Variants in ATRNL1 observed in about 807,000 individuals in gnomAD.
ATRNL1 encodes the protein attractin-like protein 1.
A neutral mutation model predicts 182.7 loss-of-function variants in ATRNL1; 95 were observed. The observed-to-expected ratio is 0.52, with a 90% CI of 0.44 to 0.62. ATRNL1 has a LOEUF of 0.62. ATRNL1 is among the 20% of genes least tolerant of loss of function. The probability of loss-of-function intolerance (pLI) is 0.00; values close to 1 mark genes in which losing one functional copy is unlikely to be tolerated. For missense variants in ATRNL1, 1,471 were observed against 1,679.5 expected, an observed-to-expected ratio of 0.88 and a Z score of 2.17; for synonymous variants, 576 against 568.3, an observed-to-expected ratio of 1.01 and a Z score of -0.19.
chr10:115,350,334 C>CAAAAAAAAAAAAAAAAAAAAAAAAAAA, intron 19 of ATRNL1, among the ~76,000 whole-genome samples: 1 of 29,734 alleles, frequency 3.4e-5, no homozygotes. Context: ...GACTCTGTCT[C>CAAAAAAAAAAAAAAAAAAAAAAAAAAA]AAAAAAAAAA....
chr10:115,520,233 T>C (rs1332067345), intron 25 of ATRNL1, among the ~76,000 whole-genome samples: 1 of 152,134 alleles, frequency 6.6e-6, no homozygotes, highest in East Asian at 1.9e-4. Flanking sequence ...CACAACTCAA[T>C]CCTTAGCACA....
At chr10:115,191,178 T>C (rs1848155643) in intron 8 of ATRNL1, among the ~76,000 whole-genome samples, 1 of 152,150 alleles carries the variant, frequency 6.6e-6, no homozygotes, top group Non-Finnish European at 1.5e-5. Flanking sequence ...GCAATAAACA[T>C]GGGAACGCAG....
intron 26 of ATRNL1, among the ~76,000 whole-genome samples, chr10:115,560,219 A>C (rs1048141444): frequency 6.6e-6 from 1 of 152,350 alleles, no homozygotes; most frequent in African/African-American, 2.4e-5. Flanking sequence ...CCATATTCAC[A>C]CTGCTAATAA....
rs1447864706 is a variant in ATRNL1, at chr10:115,946,510, A to G, written c.*1731A>G. On this transcript the variant is annotated 3_prime_UTR_variant, in exon 29 of 29. Coordinates refer to ENST00000355044, the MANE Select transcript of ATRNL1 (RefSeq NM_207303.4). ...TTATGAATTATAGTATATATTCCTC[A>G]TGTTGGCATGATAATTTTGCTATTT... The G allele has an allele frequency of 6.6e-6, 1 of 152,168 alleles. No individual in the cohort carries two copies. The highest frequency in any genetic ancestry group is 2.4e-5 in the African/African-American group (1 of 41,442). 9.4% of individuals were successfully genotyped at this position (152,168 alleles called of 1,614,324 possible).
intron 27 of ATRNL1, among the ~76,000 whole-genome samples, chr10:115,807,709 T>A (rs1555085962): frequency 1.3e-5 from 2 of 152,192 alleles, no homozygotes; most frequent in Admixed American, 6.6e-5. Context: ...AATAAAGATA[T>A]AATACAAGAT....
chr10:115,925,010 T>C (rs1555119680), intron 28 of ATRNL1, among the ~76,000 whole-genome samples: 1 of 152,174 alleles, frequency 6.6e-6, no homozygotes, highest in Non-Finnish European at 1.5e-5. Context: ...TTTGTAGCAA[T>C]TGTGAATGGG....
At chr10:115,423,352 G>A (rs652059) in intron 20 of ATRNL1, among the ~76,000 whole-genome samples, 15 of 151,802 alleles carry the variant, frequency 9.9e-5, no homozygotes, top group Middle Eastern at 3.4e-3. Context: ...TGGCCAACAC[G>A]GCAAAACCCT....
intron 27 of ATRNL1, among the ~76,000 whole-genome samples, chr10:115,752,236 A>G (rs781969507): frequency 2.6e-5 from 4 of 152,160 alleles, no homozygotes; most frequent in South Asian, 2.1e-4. Flanking sequence ...CAGATGATAT[A>G]TAATTATACT....
chr10:115,806,263 A>G (rs138936876), intron 27 of ATRNL1, among the ~76,000 whole-genome samples: 1 of 152,148 alleles, frequency 6.6e-6, no homozygotes, highest in African/African-American at 2.4e-5. Flanking sequence ...TTTAATGCAT[A>G]AATTTTTTAG....
chr10:115,368,897 A>G (rs1488394206), intron 19 of ATRNL1, among the ~76,000 whole-genome samples: 1 of 151,974 alleles, frequency 6.6e-6, no homozygotes, highest in Non-Finnish European at 1.5e-5. Context: ...TATATTTAGT[A>G]GAGACGGGGT....
At chr10:115,279,180 C>T (rs11197146) in intron 13 of ATRNL1, among the ~76,000 whole-genome samples, 31,226 of 146,542 alleles carry the variant, frequency 0.21, 4,173 homozygotes, top group Non-Finnish European at 0.3. Flanking sequence ...CCAGCCTGGG[C>T]GACAGAGCAA....
At chr10:115,321,038 A>C (rs1468279097) in intron 18 of ATRNL1, among the ~76,000 whole-genome samples, 2 of 151,592 alleles carry the variant, frequency 1.3e-5, no homozygotes, top group Non-Finnish European at 2.9e-5. Context: ...TTTGAGTTTC[A>C]GTTTGTCTGT....
chr10:115,418,697 A>AG (rs1161235870), intron 20 of ATRNL1, among the ~76,000 whole-genome samples: 1 of 152,192 alleles, frequency 6.6e-6, no homozygotes, highest in Non-Finnish European at 1.5e-5. Flanking sequence ...GAAAGAAGTG[A>AG]GAAAAAAGAA....
rs554931016 is a variant in ATRNL1 at position 115,649,393 on chromosome 10, T to C, written c.3796-77855T>C. On this transcript the variant is annotated intron_variant, in intron 26 of 28. Transcript: ENST00000355044. ...TTAATTATTCTAGCCAGATGGTCCT[T>C]TATTTATGTTATTGCTAGAGGTTTC... 5.9e-5 allele frequency among the ~76,000 whole-genome samples: 9 copies of C among 152,286 alleles called. No homozygotes were observed. In the South Asian group the frequency reaches 1.9e-3, roughly 32 times the overall value.
At chr10:115,636,748 A>G (rs1239206382) in intron 26 of ATRNL1, among the ~76,000 whole-genome samples, 1 of 152,254 alleles carries the variant, frequency 6.6e-6, no homozygotes. Context: ...TCAAAAACTT[A>G]CATATGAATG....
chr10:115,647,103 A>G (rs1859678572), intron 26 of ATRNL1, among the ~76,000 whole-genome samples: 1 of 151,924 alleles, frequency 6.6e-6, no homozygotes, highest in Admixed American at 6.6e-5. Flanking sequence ...TTTCAGCTTC[A>G]TCCATGTCCC....
At chr10:115,597,337 T>C (rs1856308444) in intron 26 of ATRNL1, among the ~76,000 whole-genome samples, 2 of 152,134 alleles carry the variant, frequency 1.3e-5, no homozygotes, top group Non-Finnish European at 2.9e-5. Context: ...TTATGAAAGG[T>C]TGAGAAATGA....
intron 26 of ATRNL1, among the ~76,000 whole-genome samples, chr10:115,567,665 A>G (rs1319794178): frequency 6.6e-6 from 1 of 152,066 alleles, no homozygotes. Flanking sequence ...TTGATTTGTA[A>G]TTTTAGAATA....
At chr10:115,666,471 C>T (rs1481051880) in intron 26 of ATRNL1, among the ~76,000 whole-genome samples, 9 of 152,100 alleles carry the variant, frequency 5.9e-5, no homozygotes, top group Admixed American at 2.0e-4. Flanking sequence ...TCTACAACTC[C>T]ATACTTTTGT....
Sources: allele counts gnomAD v4.1 joint callset (sites outside exome capture counted in the v4.1 genomes callset), GRCh38; gene constraint gnomAD v4.1.1; transcripts MANE v1.5; gene names NCBI Gene and HGNC (gene_info 2026-07-23, HGNC 2026-07-21).